The following CNTLN variants were observed in gnomAD, a reference collection of about 807,000 sequenced individuals.
The protein encoded by CNTLN is centlein.
In CNTLN, 212 loss-of-function variants were observed where a neutral mutation model predicts 180.0. The ratio of observed to expected loss-of-function variants is 1.18; its 90% CI spans 1.05 to 1.32. CNTLN has a LOEUF of 1.32. Among genes scored for constraint, CNTLN ranks in the 40% most tolerant of loss-of-function variants. The pLI is 0.00. For missense variants in CNTLN, 2,095 were observed against 1,610.9 expected (o/e 1.30, Z -5.14); for synonymous variants, 722 against 563.1 (o/e 1.28, Z -3.99).
At chr9:17,506,099 G>T (rs578216691), downstream of CNTLN, among the ~76,000 whole-genome samples, 27 of 150,990 alleles carry the variant, frequency 1.8e-4, no homozygotes, top group African/African-American at 6.6e-4. Flanking sequence ...AAAAAATCTT[G>T]ACCTAAACCT....
intron 2 of CNTLN, among the ~76,000 whole-genome samples, chr9:17,188,437 A>C (rs990949688): frequency 7.9e-5 from 12 of 152,076 alleles, no homozygotes; most frequent in Non-Finnish European, 1.6e-4. Flanking sequence ...AAAAAAGCCC[A>C]TTGTCTTTTT....
At chr9:17,228,849 G>A (rs1587252762) in intron 3 of CNTLN, among the ~76,000 whole-genome samples, 1 of 152,082 alleles carries the variant, frequency 6.6e-6, no homozygotes, top group Non-Finnish European at 1.5e-5. Flanking sequence ...CAGGAGAACA[G>A]TGGCGTTATT....
At chr9:17,299,704 C>T (rs1242973187) in intron 7 of CNTLN, 1 of 985,218 alleles carries the variant, frequency 1.0e-6, no homozygotes, top group Non-Finnish European at 1.2e-6. Context: ...GTTTCTAAAG[C>T]ACGTTCCATT....
intron 18 of CNTLN, among the ~76,000 whole-genome samples, chr9:17,439,067 T>G (rs1265083549): frequency 6.6e-6 from 1 of 152,022 alleles, no homozygotes; most frequent in Non-Finnish European, 1.5e-5. Flanking sequence ...AAGAGAGGAA[T>G]TGGAGGATAT....
At chr9:17,378,496 A>G (rs552390064) in intron 13 of CNTLN, among the ~76,000 whole-genome samples, 2 of 151,880 alleles carry the variant, frequency 1.3e-5, no homozygotes, top group East Asian at 1.9e-4. Flanking sequence ...GTTCTTTCTT[A>G]CATTTCTATT....
At chr9:17,429,485 T>C (rs1270949566) in intron 18 of CNTLN, among the ~76,000 whole-genome samples, 1 of 152,098 alleles carries the variant, frequency 6.6e-6, no homozygotes, top group Non-Finnish European at 1.5e-5. Flanking sequence ...AGTATTTGAG[T>C]ATGTATTTAT....
chr9:17,369,133 C>A (rs1329347880), intron 13 of CNTLN, among the ~76,000 whole-genome samples: 1 of 152,030 alleles, frequency 6.6e-6, no homozygotes, highest in East Asian at 1.9e-4. Context: ...GGTGGTTTCT[C>A]CCATGCTGCT....
intron 24 of CNTLN, 51 bp from the exon 25 acceptor site, chr9:17,486,938 C>A (rs902290633): frequency 5.8e-6 from 5 of 860,770 alleles, no homozygotes; most frequent in Non-Finnish European, 7.5e-6. Context: ...ATAGTATAAA[C>A]AAGTTCATAT....
At chr9:17,167,039 T>C (rs1315753824) in intron 2 of CNTLN, 2 of 215,564 alleles carry the variant, frequency 9.3e-6, no homozygotes, top group Non-Finnish European at 1.0e-5. Flanking sequence ...CAGTGATAGA[T>C]TGTAATGTTT....
At chr9:17,159,178 A>T (rs1819505023) in intron 2 of CNTLN, among the ~76,000 whole-genome samples, 3 of 152,060 alleles carry the variant, frequency 2.0e-5, no homozygotes, top group Admixed American at 1.3e-4. Context: ...TTGCATTAAA[A>T]TTTTTTGACA....
intron 1 of CNTLN, 147 bp downstream of exon 1, chr9:17,135,572 G>T: frequency 8.8e-7 from 1 of 1,135,182 alleles, no homozygotes; most frequent in Non-Finnish European, 1.2e-6. Flanking sequence ...TCGCGGCCGG[G>T]GGCTGGAGGG....
intron 25 of CNTLN, among the ~76,000 whole-genome samples, chr9:17,491,297 T>C (rs1833149092): frequency 6.6e-6 from 1 of 152,054 alleles, no homozygotes; most frequent in African/African-American, 2.4e-5. Flanking sequence ...TGGCAGTGAA[T>C]AAAAGAGATA....
chr9:17,427,314 A>G (rs972833616), intron 18 of CNTLN, among the ~76,000 whole-genome samples: 1 of 34,112 alleles, frequency 2.9e-5, no homozygotes, highest in African/African-American at 6.9e-5. Flanking sequence ...TTTTTCAGCA[A>G]TACTCGAAAA....
intron 5 of CNTLN, among the ~76,000 whole-genome samples, chr9:17,240,337 T>A (rs1026024847): frequency 6.6e-6 from 1 of 152,186 alleles, no homozygotes; most frequent in African/African-American, 2.4e-5. Flanking sequence ...GGTTAACTAA[T>A]TCTGATTTTT....
chr9:17,214,094 A>C (rs1031068541), intron 2 of CNTLN, among the ~76,000 whole-genome samples: 13 of 152,132 alleles, frequency 8.5e-5, no homozygotes, highest in Non-Finnish European at 1.6e-4. Context: ...TGATCCTGTC[A>C]TTATGATTTT....
At chr9:17,154,743 A>C (rs1358228606) in intron 2 of CNTLN, among the ~76,000 whole-genome samples, 2 of 152,226 alleles carry the variant, frequency 1.3e-5, no homozygotes, top group Non-Finnish European at 1.5e-5. Context: ...AAAACGGACC[A>C]GTCAGCACTC....
intron 15 of CNTLN, among the ~76,000 whole-genome samples, chr9:17,407,849 G>A (rs1454800272): frequency 6.6e-6 from 1 of 152,090 alleles, no homozygotes; most frequent in East Asian, 1.9e-4. Context: ...AGGGAGGCTG[G>A]GCGTGGTGGC....
intron 7 of CNTLN, among the ~76,000 whole-genome samples, chr9:17,305,115 A>C (rs1587593070): frequency 6.6e-6 from 1 of 152,154 alleles, no homozygotes; most frequent in South Asian, 2.1e-4. Flanking sequence ...GGCGTTCTTC[A>C]GTCTAAGCCC....
intron 12 of CNTLN, among the ~76,000 whole-genome samples, chr9:17,362,643 A>G (rs1463152096): frequency 6.6e-6 from 1 of 152,218 alleles, no homozygotes; most frequent in Non-Finnish European, 1.5e-5. Context: ...ATAAAAGTCT[A>G]GAACTAATGT....
Sources: gnomAD v4.1 joint callset for allele counts (sites outside exome capture counted in the v4.1 genomes callset) on GRCh38, gnomAD v4.1.1 for gene constraint, MANE v1.5 for transcripts, NCBI Gene and HGNC (gene_info 2026-07-23, HGNC 2026-07-21) for gene names.